Variants in CNBD1 observed in about 807,000 individuals in gnomAD.
CNBD1 encodes the protein cyclic nucleotide-binding domain-containing protein 1.
Under a neutral mutation model 54.4 loss-of-function variants are expected in CNBD1, and 71 were observed. The ratio of observed to expected loss-of-function variants is 1.30; its 90% CI spans 1.08 to 1.59. The LOEUF (loss-of-function observed/expected upper bound fraction) is 1.59. Among genes scored for constraint, CNBD1 ranks in the 40% most tolerant of loss-of-function variants. CNBD1 has a pLI of 0.00. For synonymous variants in CNBD1, 182 were observed against 170.7 expected (o/e 1.07, Z -0.51); for missense variants, 659 against 518.0 (o/e 1.27, Z -2.64).
At chr8:87,304,571 G>A (rs1405396827) in intron 8 of CNBD1, among the ~76,000 whole-genome samples, 1 of 151,990 alleles carries the variant, frequency 6.6e-6, no homozygotes, top group African/African-American at 2.4e-5. Flanking sequence ...CACCAACATG[G>A]CACATGTATA....
At chr8:87,269,455 A>T (rs1349707160) in intron 6 of CNBD1, among the ~76,000 whole-genome samples, 1 of 152,126 alleles carries the variant, frequency 6.6e-6, no homozygotes, top group Non-Finnish European at 1.5e-5. Context: ...TAATTCTGTG[A>T]AAAAATGATG....
chr8:86,936,274 G>GA (rs1245242407), intron 3 of CNBD1, among the ~76,000 whole-genome samples: 1 of 151,986 alleles, frequency 6.6e-6, no homozygotes, highest in Non-Finnish European at 1.5e-5. Context: ...AAGAAAAAGG[G>GA]AAAAAATTTT....
intron 4 of CNBD1, among the ~76,000 whole-genome samples, chr8:86,949,241 G>A (rs1436462533): frequency 2.6e-5 from 4 of 152,052 alleles, no homozygotes; most frequent in Non-Finnish European, 4.4e-5. Flanking sequence ...AGGATCTTTT[G>A]TGGTTCCATA....
At chr8:87,280,171 C>T (rs1426586175) in intron 6 of CNBD1, among the ~76,000 whole-genome samples, 3 of 151,458 alleles carry the variant, frequency 2.0e-5, no homozygotes, top group Admixed American at 6.6e-5. Context: ...CACATTCTCC[C>T]GAAGCATGTG....
chr8:87,168,768 C>T (rs1813024613), intron 4 of CNBD1, among the ~76,000 whole-genome samples: 1 of 151,996 alleles, frequency 6.6e-6, no homozygotes, highest in African/African-American at 2.4e-5. Context: ...GGATCTCATT[C>T]TTCTTTTATG....
At chr8:86,904,721 T>C (rs1808989976) in intron 2 of CNBD1, among the ~76,000 whole-genome samples, 2 of 152,086 alleles carry the variant, frequency 1.3e-5, no homozygotes, top group East Asian at 1.9e-4. Flanking sequence ...ATAAATACTC[T>C]CTCTAGTAAT....
chr8:87,332,872 A>G (rs2336956), intron 8 of CNBD1, among the ~76,000 whole-genome samples: 25,174 of 152,108 alleles, frequency 0.17, 2,940 homozygotes, highest in African/African-American at 0.34. Flanking sequence ...TTTTGGTTCC[A>G]TATGAATTTT....
chr8:86,976,421 G>T (rs1808344204), intron 4 of CNBD1, among the ~76,000 whole-genome samples: 1 of 151,690 alleles, frequency 6.6e-6, no homozygotes, highest in Non-Finnish European at 1.5e-5. Context: ...GATGAGATAA[G>T]GGTTCAACTT....
intron 4 of CNBD1, among the ~76,000 whole-genome samples, chr8:87,141,782 C>A (rs1202503393): frequency 6.6e-6 from 1 of 152,082 alleles, no homozygotes; most frequent in Non-Finnish European, 1.5e-5. Flanking sequence ...TAAAAGTTTT[C>A]ATCTAGCCTT....
chr8:87,300,839 A>T (rs1371051033), intron 8 of CNBD1, among the ~76,000 whole-genome samples: 1 of 152,130 alleles, frequency 6.6e-6, no homozygotes, highest in African/African-American at 2.4e-5. Flanking sequence ...TCATTTAAAG[A>T]GGGACAACAA....
intron 4 of CNBD1, among the ~76,000 whole-genome samples, chr8:87,147,591 C>G (rs1239196529): frequency 6.6e-6 from 1 of 151,992 alleles, no homozygotes; most frequent in Admixed American, 6.6e-5. Flanking sequence ...AAATAATGCT[C>G]AGAGTAATTT....
chr8:87,395,686 G>A (rs909628870), intron 2 of CNBD1, among the ~76,000 whole-genome samples: 9 of 151,810 alleles, frequency 5.9e-5, no homozygotes, highest in Non-Finnish European at 1.3e-4. Context: ...ATGCATTTTA[G>A]AAGTTCATAG....
intron 4 of CNBD1, among the ~76,000 whole-genome samples, chr8:87,105,645 T>C (rs867939784): frequency 6.6e-6 from 1 of 152,170 alleles, no homozygotes; most frequent in Non-Finnish European, 1.5e-5. Flanking sequence ...GAAAAAAGCA[T>C]GGCCTCCCAC....
At chr8:87,279,451 T>C (rs1808548464) in intron 6 of CNBD1, among the ~76,000 whole-genome samples, 1 of 151,406 alleles carries the variant, frequency 6.6e-6, no homozygotes, top group Admixed American at 6.6e-5. Context: ...TTAAAAAAGA[T>C]TGTCATATTG....
At chr8:87,158,839 C>G (rs965400296) in intron 4 of CNBD1, among the ~76,000 whole-genome samples, 1 of 152,124 alleles carries the variant, frequency 6.6e-6, no homozygotes. Flanking sequence ...CAAGCAAGAA[C>G]TAAAACAGAA....
intron 2 of CNBD1, among the ~76,000 whole-genome samples, chr8:86,891,649 G>T (rs113059447): frequency 5.3e-5 from 8 of 152,072 alleles, no homozygotes; most frequent in African/African-American, 1.9e-4. Context: ...GATACAGTTT[G>T]CCTTGAATCT....
At chr8:87,210,458 A>C (rs62527351) in intron 5 of CNBD1, among the ~76,000 whole-genome samples, 27,469 of 152,128 alleles carry the variant, frequency 0.18, 2,540 homozygotes, top group South Asian at 0.23. Context: ...CATTTCAGAG[A>C]TCTCCTAGGT....
At chr8:87,309,425 G>A (rs925197540) in intron 8 of CNBD1, among the ~76,000 whole-genome samples, 2 of 152,040 alleles carry the variant, frequency 1.3e-5, no homozygotes, top group Admixed American at 1.3e-4. Flanking sequence ...TTAAATTACA[G>A]ATTTTCCTCC....
intron 4 of CNBD1, among the ~76,000 whole-genome samples, chr8:87,156,808 A>G (rs1208562753): frequency 6.6e-6 from 1 of 152,104 alleles, no homozygotes; most frequent in Non-Finnish European, 1.5e-5. Flanking sequence ...ATAGTGTACA[A>G]TAGCAATTAT....
Sources: gnomAD v4.1 joint callset for allele counts (sites outside exome capture counted in the v4.1 genomes callset) on GRCh38, gnomAD v4.1.1 for gene constraint, MANE v1.5 for transcripts, NCBI Gene and HGNC (gene_info 2026-07-23, HGNC 2026-07-21) for gene names.